PRR16: variants seen among roughly 807,000 people sequenced by gnomAD.
PRR16 encodes proline rich 16.
PRR16 carries 6 observed loss-of-function variants against 18.2 expected under a neutral mutation model. That is an observed-to-expected ratio of 0.33 (90% CI 0.18 to 0.65). The LOEUF (loss-of-function observed/expected upper bound fraction) is 0.65, where lower values mean the gene tolerates loss of function less well. Ranked by LOEUF, PRR16 falls within the 30% of genes least tolerant of loss-of-function variation. PRR16 has a pLI of 0.74. For synonymous variants in PRR16, 151 were observed against 147.8 expected, an observed-to-expected ratio of 1.02 and a Z score of -0.16; for missense variants, 412 against 376.6, an observed-to-expected ratio of 1.09 and a Z score of -0.78.
At chr5:120,626,436 G>T (rs141182596) in intron 1 of PRR16, among the ~76,000 whole-genome samples, 91 of 152,222 alleles carry the variant, frequency 6.0e-4, no homozygotes, top group Middle Eastern at 3.4e-3. Flanking sequence ...ATTATTGGTG[G>T]CCTAGGACTA....
At chr5:120,530,758 G>A (rs1483281533) in intron 1 of PRR16, among the ~76,000 whole-genome samples, 1 of 152,052 alleles carries the variant, frequency 6.6e-6, no homozygotes, top group East Asian at 1.9e-4. Context: ...TAGTTCAAAG[G>A]AGAAAGGTAA....
intron 1 of PRR16, among the ~76,000 whole-genome samples, chr5:120,566,839 T>A (rs1249995813): frequency 6.6e-6 from 1 of 152,230 alleles, no homozygotes; most frequent in Admixed American, 6.5e-5. Flanking sequence ...ATGAATTCAG[T>A]CAGGAAAGAA....
chr5:120,469,231 T>C (rs1749193103), intron 1 of PRR16, among the ~76,000 whole-genome samples: 1 of 152,252 alleles, frequency 6.6e-6, no homozygotes, highest in Non-Finnish European at 1.5e-5. Context: ...TATAGTTTAT[T>C]GTCTGGAAAT....
rs192075263 is a variant in PRR16 at position 120,535,821 on chromosome 5, G to C, written c.159+71176G>C. Among the ~76,000 whole-genome samples the C allele has an allele frequency of 6.0e-3, 907 of 150,176 alleles. 4 individuals are homozygous for C. The highest frequency in any genetic ancestry group is 0.015 in the East Asian group (74 of 4,978). On this transcript the variant is annotated intron_variant, in intron 1 of 1. Coordinates refer to ENST00000407149, the MANE Select transcript of PRR16 (RefSeq NM_001300783.2). ...CAAAAAACAAACAAACAAAAAACTT[G>C]GCCAGGCACGATGGCTCACTCCTGT...
chr5:120,657,583 C>T (rs1418451266), intron 1 of PRR16, among the ~76,000 whole-genome samples: 2 of 151,812 alleles, frequency 1.3e-5, no homozygotes, highest in Admixed American at 1.3e-4. Context: ...ATACTGAATC[C>T]CAGAGTTACC....
At chr5:120,491,783 G>T (rs575148611) in intron 1 of PRR16, among the ~76,000 whole-genome samples, 5 of 152,218 alleles carry the variant, frequency 3.3e-5, no homozygotes, top group Middle Eastern at 3.4e-3. Flanking sequence ...ACCTCAGGCA[G>T]TCTGCCCGCC....
In PRR16 at chr5:120,594,939, C is replaced by T. The variant is rs532199988; in HGVS notation, c.160-91015C>T. Among the ~76,000 whole-genome samples, 114 of 152,148 alleles carry T rather than the reference C, an allele frequency of 7.5e-4. 2 individuals carry two copies. In the South Asian group the frequency reaches 0.011, roughly 14 times the overall value. Reference sequence around the variant, plus strand: ...TTGAAACTGGACCAATTCCTTACACCATATACAAAAATCAACCAAAAATGG... The same window carrying T: ...TTGAAACTGGACCAATTCCTTACACTATATACAAAAATCAACCAAAAATGG... On this transcript the variant is annotated intron_variant, in intron 1 of 1. Coordinates refer to ENST00000407149, the MANE Select transcript of PRR16 (RefSeq NM_001300783.2).
chr5:120,467,441 A>G (rs989813724), intron 1 of PRR16, among the ~76,000 whole-genome samples: 2 of 152,080 alleles, frequency 1.3e-5, no homozygotes, highest in African/African-American at 4.8e-5. Flanking sequence ...TTAAAATGCA[A>G]TCTTCTTTAA....
intron 1 of PRR16, among the ~76,000 whole-genome samples, chr5:120,538,318 C>G (rs768503781): frequency 3.3e-5 from 5 of 152,144 alleles, no homozygotes; most frequent in Non-Finnish European, 5.9e-5. Context: ...AAGGGAAGCT[C>G]TTGAGAAAAC....
intron 1 of PRR16, among the ~76,000 whole-genome samples, chr5:120,607,660 T>G (rs1400333552): frequency 6.6e-6 from 1 of 152,140 alleles, no homozygotes; most frequent in Non-Finnish European, 1.5e-5. Context: ...CTACCAGAGC[T>G]TCTCCACTTC....
the PRR16 span, among the ~76,000 whole-genome samples, chr5:120,748,057 C>G: frequency 3.3e-5 from 5 of 152,054 alleles, no homozygotes; most frequent in Non-Finnish European, 5.9e-5. Context: ...GATCCGTGCA[C>G]TATCAGATCT....
the PRR16 span, among the ~76,000 whole-genome samples, chr5:120,743,546 G>A: frequency 0.052 from 6,515 of 124,566 alleles, 370 homozygotes; most frequent in African/African-American, 0.18. Context: ...CAGCCTGACA[G>A]TTTTTACAAT....
intron 1 of PRR16, among the ~76,000 whole-genome samples, chr5:120,477,000 T>G (rs956526064): frequency 1.3e-5 from 2 of 152,156 alleles, no homozygotes; most frequent in Non-Finnish European, 2.9e-5. Context: ...CTAGCAGCAG[T>G]TGACAGTCTC....
At chr5:120,617,879 A>T (rs1049138895) in intron 1 of PRR16, among the ~76,000 whole-genome samples, 6 of 152,140 alleles carry the variant, frequency 3.9e-5, no homozygotes, top group African/African-American at 1.2e-4. Flanking sequence ...AAGTGAAAAC[A>T]TGCATAGTCA....
At chr5:120,769,256 G>A in the PRR16 span, among the ~76,000 whole-genome samples, 13 of 151,742 alleles carry the variant, frequency 8.6e-5, no homozygotes. Flanking sequence ...TTTGGTAAAT[G>A]TGGACATATG....
chr5:120,599,703 C>T (rs1182921795), intron 1 of PRR16, among the ~76,000 whole-genome samples: 1 of 151,798 alleles, frequency 6.6e-6, no homozygotes, highest in Non-Finnish European at 1.5e-5. Flanking sequence ...GTTTTTCTCA[C>T]TCACTGTTTA....
chr5:120,719,691 GA>G, the PRR16 span, among the ~76,000 whole-genome samples: 1 of 152,000 alleles, frequency 6.6e-6, no homozygotes, highest in Non-Finnish European at 1.5e-5. Context: ...GCAGCTCTAA[GA>G]GAAAAACTTT....
At chr5:120,519,952 A>C (rs1299866469) in intron 1 of PRR16, among the ~76,000 whole-genome samples, 1 of 150,266 alleles carries the variant, frequency 6.7e-6, no homozygotes, top group Non-Finnish European at 1.5e-5. Context: ...TTTTTTTTTT[A>C]GTTTGATACA....
chr5:120,754,398 A>AC, the PRR16 span, among the ~76,000 whole-genome samples: 19 of 100,738 alleles, frequency 1.9e-4, 1 homozygote, highest in South Asian at 5.3e-4. Context: ...TATATGTTAT[A>AC]TATTATACTA....
Sources: allele counts gnomAD v4.1 joint callset (sites outside exome capture counted in the v4.1 genomes callset), GRCh38; gene constraint gnomAD v4.1.1; transcripts MANE v1.5; gene names NCBI Gene and HGNC (gene_info 2026-07-23, HGNC 2026-07-21).